The following EFHB variants were observed in gnomAD, a reference collection of about 807,000 sequenced individuals.
The protein encoded by EFHB is EF-hand domain family member B, also known as EF-hand domain-containing family member B.
Under a neutral mutation model 87.2 loss-of-function variants are expected in EFHB, and 91 were observed. That is an observed-to-expected ratio of 1.04 (90% CI 0.88 to 1.24). EFHB has a LOEUF of 1.24. EFHB is among the 50% of genes most tolerant of loss of function. EFHB has a pLI of 0.00. For missense variants in EFHB, 1,084 were observed against 998.8 expected, an observed-to-expected ratio of 1.09 and a Z score of -1.15; for synonymous variants, 325 against 333.6, an observed-to-expected ratio of 0.97 and a Z score of 0.28.
chr3:19,922,805 T>C (rs1695483108), intron 1 of EFHB, among the ~76,000 whole-genome samples: 2 of 152,142 alleles, frequency 1.3e-5, no homozygotes, highest in Admixed American at 1.3e-4. Flanking sequence ...ATTAAATGAG[T>C]TAATACATAT....
intron 1 of EFHB, among the ~76,000 whole-genome samples, chr3:19,939,731 A>AAC (rs34699465): frequency 0.56 from 85,300 of 151,674 alleles, 24,261 homozygotes; most frequent in African/African-American, 0.63. Context: ...ACTTATTTGT[A>AAC]ACAGTATTTA....
intron 1 of EFHB, among the ~76,000 whole-genome samples, chr3:19,930,978 C>G (rs900582945): frequency 2.0e-5 from 3 of 151,752 alleles, no homozygotes; most frequent in African/African-American, 7.3e-5. Flanking sequence ...ATTAAAAATA[C>G]AAAAATTAAA....
At chr3:19,922,419 C>T (rs1695467391) in intron 1 of EFHB, among the ~76,000 whole-genome samples, 1 of 152,202 alleles carries the variant, frequency 6.6e-6, no homozygotes, top group Admixed American at 6.5e-5. Context: ...AAACTCTCAA[C>T]CCCTCTTGCC....
chr3:19,907,056 A>C (rs753689908), intron 5 of EFHB, among the ~76,000 whole-genome samples: 2 of 152,062 alleles, frequency 1.3e-5, no homozygotes, highest in South Asian at 2.1e-4. Flanking sequence ...AAAAAAAAAA[A>C]ACTAAACGTT....
At position 19,918,221 on chromosome 3, in the gene EFHB, T is replaced by C; in HGVS notation, c.1177+11A>G. On this transcript the variant is annotated intron_variant, in intron 4 of 12. Coordinates refer to ENST00000295824, the MANE Select transcript of EFHB (RefSeq NM_144715.4). The stretch of plus-strand genomic sequence containing the variant: ...CAGCCCCTTCCCACCCCTTATTTTT[T>C]TTTTTACTACCTTTGATGACTGCTG... 6 of 1,550,516 alleles carry C rather than the reference T, an allele frequency of 3.9e-6. No individual in the cohort carries two copies. The highest frequency in any genetic ancestry group is 5.2e-6 in the Non-Finnish European group (6 of 1,154,638).
intron 5 of EFHB, among the ~76,000 whole-genome samples, chr3:19,914,038 G>T (rs1229571948): frequency 6.6e-6 from 1 of 152,100 alleles, no homozygotes; most frequent in Non-Finnish European, 1.5e-5. Flanking sequence ...GGAACTACTG[G>T]GCTCAAACAA....
At chr3:19,912,134 A>C (rs1218708834) in intron 5 of EFHB, among the ~76,000 whole-genome samples, 1 of 152,148 alleles carries the variant, frequency 6.6e-6, no homozygotes, top group South Asian at 2.1e-4. Flanking sequence ...CCCAAAGAAG[A>C]CTACCTCAAG....
intron 5 of EFHB, among the ~76,000 whole-genome samples, chr3:19,914,907 T>C (rs985466691): frequency 6.6e-6 from 1 of 151,908 alleles, no homozygotes; most frequent in Non-Finnish European, 1.5e-5. Flanking sequence ...GTGGACAACA[T>C]AGGAAGACCT....
chr3:19,881,090 C>T (rs1056705345), intron 12 of EFHB, among the ~76,000 whole-genome samples: 1 of 152,140 alleles, frequency 6.6e-6, no homozygotes, highest in Non-Finnish European at 1.5e-5. Flanking sequence ...AAATACAAAT[C>T]AAATTCTGAA....
At chr3:19,882,803 AT>A in intron 11 of EFHB, 72 bp from the exon 12 acceptor site, 3 of 1,357,236 alleles carry the variant, frequency 2.2e-6, no homozygotes, top group Non-Finnish European at 2.0e-6. Context: ...CACCAGTCAC[AT>A]GTGCATACTG....
At chr3:19,945,723 A>T (rs1337913356) in intron 1 of EFHB, among the ~76,000 whole-genome samples, 1 of 152,228 alleles carries the variant, frequency 6.6e-6, no homozygotes, top group Non-Finnish European at 1.5e-5. Context: ...CCTTGAGAAT[A>T]AAATGCCACA....
At chr3:19,923,966 C>A (rs1205842121) in intron 1 of EFHB, among the ~76,000 whole-genome samples, 1 of 151,982 alleles carries the variant, frequency 6.6e-6, no homozygotes, top group African/African-American at 2.4e-5. Flanking sequence ...GCATGGTGGC[C>A]CATGCCTATC....
intron 1 of EFHB, chr3:19,941,165 C>T: frequency 2.6e-6 from 1 of 387,618 alleles, no homozygotes; most frequent in Non-Finnish European, 4.8e-6. Context: ...AAAGTAGAAC[C>T]ACCATCCAGG....
chr3:19,927,557 G>A (rs1695674422), intron 1 of EFHB, among the ~76,000 whole-genome samples: 1 of 152,172 alleles, frequency 6.6e-6, no homozygotes, highest in South Asian at 2.1e-4. Flanking sequence ...ACCATAGGAT[G>A]AGTATTCCTG....
In EFHB at chr3:19,946,528, C is replaced by G. The variant is rs987983050; in HGVS notation, c.-32+391G>C. Among the ~76,000 whole-genome samples the G allele has an allele frequency of 5.3e-5, 8 of 152,198 alleles. No individual in the cohort carries two copies. In the East Asian group the frequency reaches 1.5e-3, roughly 29 times the overall value. On this transcript the variant is annotated intron_variant, in intron 1 of 14. Coordinates refer to the EFHB transcript ENST00000344838. ...CCTTCCCCGCCCCCTACCAAAACCA[C>G]GTAAACTCTTAACAGAAGCGACTTC...
chr3:19,897,119 A>C (rs1694516892), intron 8 of EFHB, among the ~76,000 whole-genome samples: 1 of 152,222 alleles, frequency 6.6e-6, no homozygotes, highest in Non-Finnish European at 1.5e-5. Context: ...TCAACTGTCA[A>C]GTCTTTTCCC....
intron 1 of EFHB, among the ~76,000 whole-genome samples, chr3:19,923,238 G>C (rs1348045483): frequency 6.6e-6 from 1 of 151,268 alleles, no homozygotes; most frequent in Non-Finnish European, 1.5e-5. Context: ...CTGCACTCCA[G>C]CCTGGGCAAA....
At chr3:19,920,103 C>A (rs1695386006) in intron 2 of EFHB, 127 bp from the exon 3 acceptor site, 2 of 954,712 alleles carry the variant, frequency 2.1e-6, no homozygotes, top group Non-Finnish European at 3.1e-6. Flanking sequence ...GAACTACAGC[C>A]CCAAATAATG....
At chr3:19,900,246 T>G (rs2125131411) in intron 6 of EFHB, among the ~76,000 whole-genome samples, 1 of 151,784 alleles carries the variant, frequency 6.6e-6, no homozygotes, top group South Asian at 2.1e-4. Context: ...AGATCCCATC[T>G]CTACAAAAAA....
Sources: allele counts gnomAD v4.1 joint callset (sites outside exome capture counted in the v4.1 genomes callset), GRCh38; gene constraint gnomAD v4.1.1; transcripts MANE v1.5; gene names NCBI Gene and HGNC (gene_info 2026-07-23, HGNC 2026-07-21).